STK3: variants seen among roughly 807,000 people sequenced by gnomAD.
STK3 encodes the protein serine/threonine-protein kinase 3.
Under a neutral mutation model 58.0 loss-of-function variants are expected in STK3, and 41 were observed. The observed-to-expected ratio is 0.71, with a 90% CI of 0.55 to 0.92. STK3 has a LOEUF of 0.92. STK3 is among the 40% of genes least tolerant of loss of function. The probability of loss-of-function intolerance (pLI) is 0.00; values close to 1 mark genes in which losing one functional copy is unlikely to be tolerated. For synonymous variants in STK3, 170 were observed against 191.0 expected (o/e 0.89, Z 0.91); for missense variants, 479 against 602.7 (o/e 0.79, Z 2.15).
At chr8:98,652,175 T>C (rs1340985735) in intron 6 of STK3, among the ~76,000 whole-genome samples, 1 of 152,188 alleles carries the variant, frequency 6.6e-6, no homozygotes, top group Non-Finnish European at 1.5e-5. Flanking sequence ...GGGGCCAATA[T>C]TCAAGATTAT....
chr8:98,767,184 AT>A, intron 3 of STK3, 58 bp downstream of exon 3: 1 of 1,477,116 alleles, frequency 6.8e-7, no homozygotes, highest in African/African-American at 1.4e-5. Context: ...ATTTTGTTAT[AT>A]TTTATTAGCA....
In STK3 at chr8:98,808,398, TTC is replaced by T. The variant is rs753689678; in HGVS notation, c.26+17115_26+17116del. ...CTATATTTGGTCCTCTTTCTTTATTTTCTCTGTTTCCAACCTTGGAACAGCAG... is the reference window on the plus strand; with the variant it reads ...CTATATTTGGTCCTCTTTCTTTATTTTCTGTTTCCAACCTTGGAACAGCAG... On this transcript the variant is annotated intron_variant, in intron 1 of 10. Transcript: ENST00000419617. 9.2e-5 allele frequency among the ~76,000 whole-genome samples: 14 copies of T among 152,354 alleles called. No individual in the cohort carries two copies. The East Asian group carries it at 2.5e-3, about 27-fold the overall frequency.
chr8:98,468,982 G>A (rs1357420878), intron 10 of STK3, among the ~76,000 whole-genome samples: 1 of 152,086 alleles, frequency 6.6e-6, no homozygotes, highest in Non-Finnish European at 1.5e-5. Flanking sequence ...GGTGGCGGGT[G>A]CCTGTAGTCC....
At chr8:98,773,442 TTATCTA>T (rs1474815109) in intron 2 of STK3, among the ~76,000 whole-genome samples, 32 of 152,272 alleles carry the variant, frequency 2.1e-4, no homozygotes, top group African/African-American at 7.2e-4. Context: ...ATTTGTATGT[TTATCTA>T]TAATATTTTT....
chr8:98,927,301 T>C (rs1371144582), intron 1 of STK3, among the ~76,000 whole-genome samples: 2 of 152,230 alleles, frequency 1.3e-5, no homozygotes, highest in Non-Finnish European at 2.9e-5. Context: ...TCAACAGTCC[T>C]TCCTTTGGGA....
chr8:98,707,358 T>C, intron 4 of STK3, 47 bp from the exon 5 acceptor site: 1 of 1,387,322 alleles, frequency 7.2e-7, no homozygotes, highest in African/African-American at 1.5e-5. Flanking sequence ...CCACGTTAGA[T>C]AAAATCTTAC....
At chr8:98,349,584 C>T in the STK3 span, among the ~76,000 whole-genome samples, 8 of 152,370 alleles carry the variant, frequency 5.3e-5, no homozygotes, top group South Asian at 6.2e-4. Flanking sequence ...CTGCACTGCC[C>T]TAGCAAAGGT....
chr8:98,749,291 T>C lies in STK3; in HGVS notation c.336A>G (p.Arg112=). The change falls in exon 4 of 11, where the codon AGA becomes AGG. Residue 112 remains arginine, a synonymous_variant. Transcript: ENST00000419617. The part of the protein sequence containing the change: ...CGAGSVSDII[R]LRNKTLIEDE... ...AAATACTTACTGTCTTGTTTCGTAA[T>C]CTAATTATGTCTGAGACAGAGCCAG... 1 of 1,603,834 alleles carries C rather than the reference T, an allele frequency of 6.2e-7. No individual in the cohort carries two copies. Among genetic ancestry groups the C allele is most frequent in the Non-Finnish European group, 8.5e-7 (1 of 1,174,824 alleles).
intron 10 of STK3, among the ~76,000 whole-genome samples, chr8:98,493,525 GC>G (rs1440925591): frequency 1.6e-4 from 25 of 152,132 alleles, no homozygotes; most frequent in Non-Finnish European, 1.5e-5. Context: ...TCTTGCTGAA[GC>G]TTTTTACACA....
At chr8:98,730,638 C>T (rs762285433) in intron 4 of STK3, among the ~76,000 whole-genome samples, 30 of 139,924 alleles carry the variant, frequency 2.1e-4, no homozygotes, top group Admixed American at 3.2e-4. Flanking sequence ...ACTGCTTGAA[C>T]ATGGGAAGCA....
intron 6 of STK3, among the ~76,000 whole-genome samples, chr8:98,618,217 T>G (rs967070102): frequency 6.6e-6 from 1 of 151,338 alleles, no homozygotes; most frequent in Non-Finnish European, 1.5e-5. Flanking sequence ...AAAAACCACA[T>G]GATTATCTCA....
intron 10 of STK3, among the ~76,000 whole-genome samples, chr8:98,462,233 T>A (rs1319470222): frequency 3.3e-5 from 5 of 152,180 alleles, no homozygotes; most frequent in Non-Finnish European, 7.3e-5. Context: ...TCACGCAAGC[T>A]GGAGTGCAGT....
intron 10 of STK3, among the ~76,000 whole-genome samples, chr8:98,476,861 C>T (rs1410980391): frequency 6.6e-6 from 1 of 152,174 alleles, no homozygotes; most frequent in Non-Finnish European, 1.5e-5. Flanking sequence ...AATACTTTTA[C>T]AACAAAGGAA....
intron 8 of STK3, among the ~76,000 whole-genome samples, chr8:98,560,901 C>T (rs895916036): frequency 6.6e-6 from 1 of 151,996 alleles, no homozygotes; most frequent in African/African-American, 2.4e-5. Context: ...CATGTGGCAG[C>T]ATGCGCCTAC....
intron 10 of STK3, among the ~76,000 whole-genome samples, chr8:98,499,793 G>A (rs529667484): frequency 2.0e-5 from 3 of 152,196 alleles, no homozygotes; most frequent in Non-Finnish European, 4.4e-5. Flanking sequence ...ATACAATGAT[G>A]AACTTAGATT....
chr8:98,362,481 A>T, the STK3 span, among the ~76,000 whole-genome samples: 1 of 152,142 alleles, frequency 6.6e-6, no homozygotes, highest in Admixed American at 6.5e-5. Flanking sequence ...ACCCTCCCCA[A>T]GGTCAAGACA....
chr8:98,920,339 C>G (rs187117359), intron 1 of STK3, among the ~76,000 whole-genome samples: 210 of 152,224 alleles, frequency 1.4e-3, no homozygotes, highest in Non-Finnish European at 9.7e-4. Flanking sequence ...GCTGACAGAA[C>G]GAGGCCTGCA....
chr8:98,789,879 G>C (rs1171839699), intron 1 of STK3, among the ~76,000 whole-genome samples: 2 of 151,940 alleles, frequency 1.3e-5, no homozygotes, highest in Non-Finnish European at 2.9e-5. Flanking sequence ...ATAGAAAAAA[G>C]TAGCTGGGCG....
At chr8:98,884,794 T>C (rs149285008) in intron 1 of STK3, among the ~76,000 whole-genome samples, 77 of 152,368 alleles carry the variant, frequency 5.1e-4, no homozygotes, top group East Asian at 3.9e-4. Context: ...GGAGTAATCA[T>C]GTCAGGTTGC....
Sources: allele counts gnomAD v4.1 joint callset (sites outside exome capture counted in the v4.1 genomes callset), GRCh38; gene constraint gnomAD v4.1.1; transcripts MANE v1.5; gene names NCBI Gene and HGNC (gene_info 2026-07-23, HGNC 2026-07-21).